The following PCLO variants were observed in gnomAD, a reference collection of about 807,000 sequenced individuals.
The protein encoded by PCLO is protein piccolo.
PCLO carries 82 observed loss-of-function variants against 427.5 expected under a neutral mutation model. The observed-to-expected ratio is 0.19, with a 90% CI of 0.16 to 0.23. The LOEUF (loss-of-function observed/expected upper bound fraction) is 0.23, where lower values mean the gene tolerates loss of function less well. PCLO is among the 10% of genes least tolerant of loss of function. The probability of loss-of-function intolerance (pLI) is 1.00; values close to 1 mark genes in which losing one functional copy is unlikely to be tolerated. For missense variants in PCLO, 6,239 were observed against 6,115.9 expected (o/e 1.02, Z -0.67); for synonymous variants, 2,357 against 2,155.4 (o/e 1.09, Z -2.59).
chr7:82,760,721 GT>G lies in PCLO; in HGVS notation c.15205del (p.Thr5069GlnfsTer20). On this transcript the variant is annotated frameshift_variant, in exon 24 of 25. Transcript: ENST00000333891. LOFTEE classifies it high-confidence loss of function. Reference sequence around the variant, plus strand: ...CTCTCGATCATGTCTGCATACTCTTGTTTTTTTCTTGATCACCTTTTTTTGG... The same window carrying G: ...CTCTCGATCATGTCTGCATACTCTTGTTTTTTCTTGATCACCTTTTTTTGG... Reference protein sequence around the residue: ...STQKKVIKKKTRVCRHDREPS... With the variant: ...STQKKVIKKKXRVCRHDREPS... 2 of 1,580,420 alleles carry G rather than the reference GT, an allele frequency of 1.3e-6. No individual in the cohort carries two copies. The highest frequency in any genetic ancestry group is 2.2e-5 in the South Asian group (2 of 89,092).
At chr7:82,821,070 G>T (rs1486415565) in intron 20 of PCLO, 6 of 1,124,926 alleles carry the variant, frequency 5.3e-6, no homozygotes, top group Admixed American at 4.9e-5. Context: ...TAAATTTGGG[G>T]ATGTTCTTGC....
At chr7:82,861,535 C>T (rs902711685) in intron 10 of PCLO, among the ~76,000 whole-genome samples, 5 of 151,918 alleles carry the variant, frequency 3.3e-5, no homozygotes, top group Non-Finnish European at 7.4e-5. Flanking sequence ...GAGGTAGGCT[C>T]CATTACAATA....
At chr7:83,009,741 A>G (rs563290761) in intron 3 of PCLO, among the ~76,000 whole-genome samples, 46 of 151,988 alleles carry the variant, frequency 3.0e-4, no homozygotes, top group African/African-American at 1.1e-3. Context: ...AAATTTATAT[A>G]AGAGTTTCTT....
At chr7:83,010,505 T>A (rs952090362) in intron 3 of PCLO, among the ~76,000 whole-genome samples, 8 of 151,644 alleles carry the variant, frequency 5.3e-5, no homozygotes, top group Admixed American at 3.3e-4. Context: ...AACATGATAA[T>A]CCAGCCTCCT....
intron 3 of PCLO, among the ~76,000 whole-genome samples, chr7:83,031,476 T>C (rs1284285765): frequency 6.6e-6 from 1 of 152,150 alleles, no homozygotes; most frequent in Non-Finnish European, 1.5e-5. Flanking sequence ...CTTGTTAGCT[T>C]CTATATCCTG....
intron 22 of PCLO, among the ~76,000 whole-genome samples, chr7:82,771,486 A>C (rs1790646369): frequency 6.6e-6 from 1 of 152,030 alleles, no homozygotes. Context: ...AATCAAGTGG[A>C]TAATATTATA....
intron 3 of PCLO, among the ~76,000 whole-genome samples, chr7:83,094,959 T>C (rs1468666838): frequency 6.6e-6 from 1 of 152,190 alleles, no homozygotes; most frequent in Non-Finnish European, 1.5e-5. Flanking sequence ...TGTTTTGATA[T>C]CAGGGTAATG....
chr7:83,138,496 A>G (rs1224071067), intron 2 of PCLO, among the ~76,000 whole-genome samples: 1 of 152,076 alleles, frequency 6.6e-6, no homozygotes, highest in Non-Finnish European at 1.5e-5. Context: ...CATTGTCTCT[A>G]TTACAAATAC....
At chr7:82,879,634 A>G (rs1385010805) in intron 9 of PCLO, among the ~76,000 whole-genome samples, 172 bp from the exon 10 acceptor site, 4 of 152,284 alleles carry the variant, frequency 2.6e-5, no homozygotes, top group Middle Eastern at 3.4e-3. Flanking sequence ...ATAATATAAA[A>G]TAGGATTTTC....
At chr7:82,815,888 A>T (rs1791667834) in intron 20 of PCLO, among the ~76,000 whole-genome samples, 1 of 152,154 alleles carries the variant, frequency 6.6e-6, no homozygotes, top group Non-Finnish European at 1.5e-5. Flanking sequence ...TATCTAAAAC[A>T]CATTAAAATA....
intron 10 of PCLO, among the ~76,000 whole-genome samples, chr7:82,858,882 T>C (rs1792877735): frequency 6.6e-6 from 1 of 152,180 alleles, no homozygotes; most frequent in Admixed American, 6.5e-5. Context: ...AAAATGTCCA[T>C]ACTAACCAAA....
Position 82,902,677 on chromosome 7 carries a change from CTT to C in PCLO, c.13500_13501del (p.Asp4502LeufsTer9), listed in dbSNP as rs1357925448. ...TGAAACTGTGTGATCCTTTGAGTCT[CTT>C]GTTATTTTTATCCTTGCGTGAGGAA... On this transcript the variant is annotated frameshift_variant, in exon 9 of 25. Transcript: ENST00000333891. LOFTEE classifies it high-confidence loss of function. 2 of 1,595,914 alleles carry C rather than the reference CTT, an allele frequency of 1.3e-6. No individual in the cohort carries two copies. The highest frequency in any genetic ancestry group is 1.7e-6 in the Non-Finnish European group (2 of 1,164,654).
At chr7:82,938,480 T>C (rs557673723) in intron 6 of PCLO, among the ~76,000 whole-genome samples, 2 of 152,078 alleles carry the variant, frequency 1.3e-5, no homozygotes, top group African/African-American at 4.8e-5. Context: ...TGTCAAGTTA[T>C]TACTAAAATT....
intron 3 of PCLO, among the ~76,000 whole-genome samples, chr7:83,057,832 A>G (rs1441707180): frequency 6.6e-6 from 1 of 151,776 alleles, no homozygotes; most frequent in Non-Finnish European, 1.5e-5. Flanking sequence ...ATTCAACTCA[A>G]AGTATACTGA....
At chr7:82,834,946 CTTTTTT>C (rs36081669) in intron 16 of PCLO, among the ~76,000 whole-genome samples, 2 of 122,950 alleles carry the variant, frequency 1.6e-5, no homozygotes, top group Non-Finnish European at 3.7e-5. Flanking sequence ...CACCTATTAT[CTTTTTT>C]TTTGTTTGTT....
chr7:82,983,095 TTTTA>T (rs1446441838), intron 3 of PCLO, among the ~76,000 whole-genome samples: 5 of 151,794 alleles, frequency 3.3e-5, no homozygotes, highest in African/African-American at 7.2e-5. Context: ...TTAAAATTGC[TTTTA>T]TTTATATTTT....
chr7:83,035,721 A>G (rs1174368991), intron 3 of PCLO, among the ~76,000 whole-genome samples: 4 of 152,130 alleles, frequency 2.6e-5, no homozygotes, highest in Non-Finnish European at 4.4e-5. Context: ...ACCTTTTGAA[A>G]ATTATAATTC....
chr7:83,161,457 C>CCT (rs1792434774), intron 1 of PCLO, among the ~76,000 whole-genome samples: 1 of 152,142 alleles, frequency 6.6e-6, no homozygotes, highest in Non-Finnish European at 1.5e-5. Flanking sequence ...TGATTATACC[C>CCT]CTCTCAGTAC....
intron 22 of PCLO, among the ~76,000 whole-genome samples, chr7:82,770,760 T>C (rs1013629000): frequency 6.6e-6 from 1 of 151,910 alleles, no homozygotes; most frequent in Non-Finnish European, 1.5e-5. Context: ...AAGAATTACC[T>C]ATAATTAGTG....
Sources: allele counts gnomAD v4.1 joint callset (sites outside exome capture counted in the v4.1 genomes callset), GRCh38; gene constraint gnomAD v4.1.1; transcripts MANE v1.5; gene names NCBI Gene and HGNC (gene_info 2026-07-23, HGNC 2026-07-21).